The following BLTP2 variants were observed in gnomAD, a reference collection of about 807,000 sequenced individuals.
BLTP2 encodes the protein bridge-like lipid transfer protein family member 2, also known as U937-associated antigen.
At chr17:28,619,468 TAA>T in the BLTP2 span, among the ~76,000 whole-genome samples, 5 of 140,266 alleles carry the variant, frequency 3.6e-5, no homozygotes, top group Admixed American at 7.1e-5. Context: ...ACTTTGTCTC[TAA>T]AAAAAAAAAA....
the BLTP2 span, chr17:28,619,691 G>A: frequency 1.2e-6 from 2 of 1,614,050 alleles, no homozygotes; most frequent in Non-Finnish European, 1.7e-6. Flanking sequence ...TCCAGCTGCA[G>A]GTTGGCCTTC....
the BLTP2 span, chr17:28,644,013 A>G: frequency 3.2e-4 from 492 of 1,561,884 alleles, 3 homozygotes; most frequent in African/African-American, 6.4e-3. Context: ...TTTAAATTCA[A>G]TTGGATCAAC....
At chr17:28,636,644 G>T in the BLTP2 span, among the ~76,000 whole-genome samples, 2 of 152,038 alleles carry the variant, frequency 1.3e-5, no homozygotes, top group African/African-American at 4.8e-5. Context: ...CTCTAGTTTT[G>T]TATGTATTTT....
the BLTP2 span, chr17:28,635,799 T>C: frequency 8.8e-6 from 5 of 569,644 alleles, no homozygotes; most frequent in East Asian, 1.5e-4. Flanking sequence ...CAGTTGATAG[T>C]GTCTGACATT....
the BLTP2 span, chr17:28,638,629 T>C: frequency 1.9e-6 from 3 of 1,608,734 alleles, no homozygotes; most frequent in Non-Finnish European, 2.6e-6. Context: ...GGAGCCAGGA[T>C]TTGGGGGAAG....
chr17:28,617,374 T>C, the BLTP2 span: 1 of 1,322,550 alleles, frequency 7.6e-7, no homozygotes, highest in African/African-American at 1.4e-5. Flanking sequence ...AGAAGTCTAC[T>C]AGACAATTGT....
the BLTP2 span, among the ~76,000 whole-genome samples, chr17:28,629,295 TG>T: frequency 6.8e-6 from 1 of 147,990 alleles, no homozygotes; most frequent in Non-Finnish European, 1.5e-5. Flanking sequence ...AGTGCAGTGG[TG>T]TGATTTTTTT....
chr17:28,625,889 C>G, the BLTP2 span, among the ~76,000 whole-genome samples: 2 of 152,236 alleles, frequency 1.3e-5, no homozygotes, highest in East Asian at 3.9e-4. Flanking sequence ...CTCAGCCTCC[C>G]GAGTAGCTGG....
the BLTP2 span, chr17:28,643,169 A>G: frequency 6.2e-7 from 1 of 1,614,216 alleles, no homozygotes; most frequent in East Asian, 2.2e-5. Flanking sequence ...CTCACTTGGC[A>G]GAAGATCTTC....
At chr17:28,629,982 C>T in the BLTP2 span, among the ~76,000 whole-genome samples, 5 of 152,174 alleles carry the variant, frequency 3.3e-5, no homozygotes, top group African/African-American at 1.2e-4. Context: ...CTACCTCAGC[C>T]TCCTAAATAG....
chr17:28,614,929 G>C, the BLTP2 span: 1 of 773,402 alleles, frequency 1.3e-6, no homozygotes, highest in Non-Finnish European at 2.1e-6. Context: ...GAACAGACCA[G>C]GTGCTGAAGA....
At chr17:28,631,573 G>C in the BLTP2 span, 1 of 1,614,154 alleles carries the variant, frequency 6.2e-7, no homozygotes, top group Non-Finnish European at 8.5e-7. Context: ...ACAGTGATCA[G>C]CATTCTCTTC....
the BLTP2 span, chr17:28,620,067 T>C: frequency 2.0e-6 from 3 of 1,527,740 alleles, no homozygotes; most frequent in African/African-American, 1.4e-5. Context: ...ACAAGTCTTG[T>C]AGTAAAGTGA....
chr17:28,619,662 G>T, the BLTP2 span: 1 of 1,613,730 alleles, frequency 6.2e-7, no homozygotes, highest in Non-Finnish European at 8.5e-7. Flanking sequence ...ACCTGATGAG[G>T]ATATTCAGTT....
At chr17:28,645,024 C>T in the BLTP2 span, 12 of 1,601,180 alleles carry the variant, frequency 7.5e-6, no homozygotes, top group Middle Eastern at 5.0e-4. Flanking sequence ...CAACTAGCAG[C>T]AAGACCAACA....
At chr17:28,623,582 G>GA in the BLTP2 span, among the ~76,000 whole-genome samples, 124 of 145,826 alleles carry the variant, frequency 8.5e-4, 1 homozygote, top group East Asian at 0.017. Context: ...ACACCATGAG[G>GA]AAAAAAAAAA....
the BLTP2 span, chr17:28,640,509 A>G: frequency 2.5e-6 from 4 of 1,604,552 alleles, no homozygotes; most frequent in African/African-American, 5.4e-5. Flanking sequence ...AGATACCAAC[A>G]TACAGCTCCC....
the BLTP2 span, among the ~76,000 whole-genome samples, chr17:28,632,733 A>G: frequency 5.3e-5 from 8 of 152,016 alleles, no homozygotes; most frequent in Non-Finnish European, 7.4e-5. Flanking sequence ...TAAGCTACCA[A>G]ACTTGTGGTA....
chr17:28,630,039 T>C, the BLTP2 span, among the ~76,000 whole-genome samples: 1 of 152,136 alleles, frequency 6.6e-6, no homozygotes, highest in Non-Finnish European at 1.5e-5. Flanking sequence ...TTTTTTTGTA[T>C]TTTTTGTAGA....
Sources: allele counts gnomAD v4.1 joint callset (sites outside exome capture counted in the v4.1 genomes callset), GRCh38; gene constraint gnomAD v4.1.1; transcripts MANE v1.5; gene names NCBI Gene and HGNC (gene_info 2026-07-23, HGNC 2026-07-21).